FOXN1: variants seen among roughly 807,000 people sequenced by gnomAD.
FOXN1 encodes forkhead box N1, also known as forkhead box protein N1.
In FOXN1, 15 loss-of-function variants were observed where a neutral mutation model predicts 49.0. That is an observed-to-expected ratio of 0.31 (90% confidence interval 0.20 to 0.47). The LOEUF is 0.47. Among genes scored for constraint, FOXN1 ranks in the 20% least tolerant of loss-of-function variants. The pLI, the probability that FOXN1 is intolerant of heterozygous loss-of-function variation, is 1.00. For synonymous variants in FOXN1, 356 were observed against 369.0 expected (o/e 0.96, Z 0.40); for missense variants, 800 against 842.8 (o/e 0.95, Z 0.63).
rs1204674207 is a variant in FOXN1 at position 28,538,169 on chromosome 17, G to T, written c.*733G>T. ...TACAGAAGGGGCAACATCTACCCGG[G>T]CACCAAACTGAGCCCAATTCCGAAG... On this transcript the variant is annotated 3_prime_UTR_variant, in exon 9 of 9. Transcript: ENST00000579795. 2 of 152,114 alleles carry T rather than the reference G, an allele frequency of 1.3e-5. No homozygotes were observed. Among genetic ancestry groups the T allele is most frequent in the Non-Finnish European group, 2.9e-5 (2 of 68,056 alleles). 9.4% of individuals were successfully genotyped at this position (152,114 alleles called of 1,614,324 possible). A position where few individuals can be genotyped will look rare whatever the true frequency, so the allele number is the denominator to read the frequency against.
chr17:28,529,010 C>T, intron 4 of FOXN1, 84 bp from the exon 5 acceptor site: 1 of 1,572,468 alleles, frequency 6.4e-7, no homozygotes, highest in Non-Finnish European at 8.7e-7. Context: ...AGCCCCTTCT[C>T]TGGATGTATA....
chr17:28,523,871 A>T, intron 1 of FOXN1, 85 bp from the exon 2 acceptor site: 1 of 1,224,294 alleles, frequency 8.2e-7, no homozygotes, highest in Middle Eastern at 2.0e-4. Flanking sequence ...CAGCCCAAGG[A>T]TGGGGTTGGG....
intron 1 of FOXN1, among the ~76,000 whole-genome samples, chr17:28,521,806 GA>G (rs777110098): frequency 3.3e-5 from 5 of 152,220 alleles, no homozygotes; most frequent in Non-Finnish European, 7.3e-5. Flanking sequence ...TCTGTCAAAT[GA>G]GGCTTATTGA....
chr17:28,513,609 A>G (rs1394373150), intron 1 of FOXN1, among the ~76,000 whole-genome samples: 1 of 152,234 alleles, frequency 6.6e-6, no homozygotes, highest in East Asian at 1.9e-4. Context: ...TGTGGCATTT[A>G]TGGGGCATGT....
At chr17:28,532,715 C>T (rs1410193861) in intron 6 of FOXN1, among the ~76,000 whole-genome samples, 5 of 152,228 alleles carry the variant, frequency 3.3e-5, no homozygotes, top group African/African-American at 7.2e-5. Context: ...AAGGCAGCTG[C>T]TGTGGGCATC....
At position 28,534,550 on chromosome 17, in the gene FOXN1, C is replaced by T. The variant is rs747328174; in HGVS notation, c.1135+12C>T. 4.4e-5 allele frequency: 71 copies of T among 1,610,828 alleles called. No individual in the cohort carries two copies. Among genetic ancestry groups the T allele is most frequent in the South Asian group, 5.5e-5 (5 of 90,916 alleles). ...CATGGCCAAGCCAGGTGAGGCCGGC[C>T]GGGCCACGCAAGGAAGGGCCCAGGG... is the stretch of plus-strand genomic sequence containing the variant. On this transcript the variant is annotated intron_variant, in intron 7 of 8. Transcript: ENST00000579795. This position sits in a 1 kb window ranked among gnomAD's most constrained non-coding sequence, Gnocchi z 4.1.
intron 1 of FOXN1, among the ~76,000 whole-genome samples, chr17:28,517,979 T>C (rs1168419509): frequency 2.3e-5 from 1 of 43,356 alleles, no homozygotes; most frequent in Non-Finnish European, 4.9e-5. Flanking sequence ...ATGCCTCCAC[T>C]GGGTACACAC....
At chr17:28,532,437 G>A (rs1367184672) in intron 6 of FOXN1, among the ~76,000 whole-genome samples, 1 of 152,236 alleles carries the variant, frequency 6.6e-6, no homozygotes, top group Non-Finnish European at 1.5e-5. Context: ...CTGGGGGACA[G>A]AGTTGGAGGC....
Position 28,524,792 on chromosome 17 carries a change from C to G in FOXN1, c.413C>G (p.Ala138Gly). 6.2e-7 allele frequency: 1 copy of G among 1,613,680 alleles called. No individual in the cohort carries two copies. The highest frequency in any genetic ancestry group is 8.5e-7 in the Non-Finnish European group (1 of 1,179,966). ...TTCCATGAGGACGTCTTCCCAGAGGCCGAGACCACCCTGGCCCTCAAAGGA... is the reference window on the plus strand; with the variant it reads ...TTCCATGAGGACGTCTTCCCAGAGGGCGAGACCACCCTGGCCCTCAAAGGA... Reference protein sequence around the residue: ...RPFHEDVFPEAETTLALKGHS... With the variant: ...RPFHEDVFPEGETTLALKGHS... Residue 138 changes from alanine (A) to glycine (G), a missense_variant, in exon 3 of 9, where the codon GCC becomes GGC. Physicochemically the swap from Ala to Gly is moderately conservative, Grantham distance 60 (BLOSUM62 0). Around this residue, in one of 3 missense-constraint regions of FOXN1, gnomAD observed 383 missense variants for 357.9 expected, o/e 1.07. Coordinates refer to ENST00000579795, the MANE Select transcript of FOXN1 (RefSeq NM_001369369.1).
chr17:28,512,362 A>G (rs1255959955), intron 1 of FOXN1, among the ~76,000 whole-genome samples: 2 of 152,188 alleles, frequency 1.3e-5, no homozygotes, highest in African/African-American at 4.8e-5. Context: ...GCAGGCAACA[A>G]GTTCCTCCTT....
intron 1 of FOXN1, among the ~76,000 whole-genome samples, chr17:28,518,177 CTCCATAGGGTACACACA>C (rs1476579411): frequency 1.3e-5 from 2 of 152,260 alleles, no homozygotes; most frequent in East Asian, 3.9e-4. Flanking sequence ...GGATCCATAC[CTCCATAGGGTACACACA>C]TCCACAGGGT....
rs139944238 is a variant in FOXN1 at position 28,509,300 on chromosome 17, G to A, written c.-15+2857G>A. ...TATCTCCATTCCCACCTTCAATCCC[G>A]CCCAGCCCCCTTCCTACTCATCCCC... is the stretch of plus-strand genomic sequence containing the variant. On this transcript the variant is annotated intron_variant, in intron 1 of 8. Transcript: ENST00000579795. 9.9e-3 allele frequency among the ~76,000 whole-genome samples: 1,032 copies of A among 104,408 alleles called. 40 individuals carry two copies. Among genetic ancestry groups the A allele is most frequent in the Admixed American group, 0.076 (754 of 9,942 alleles). 68.5% of individuals were successfully genotyped at this position (104,408 alleles called of 152,430 possible). A position where few individuals can be genotyped will look rare whatever the true frequency, so the allele number is the denominator to read the frequency against.
chr17:28,529,374 C>A (rs917431399), intron 5 of FOXN1, 150 bp downstream of exon 5: 8 of 988,050 alleles, frequency 8.1e-6, no homozygotes, highest in Middle Eastern at 4.1e-4. Context: ...AGAGAGGGTT[C>A]CTGCATGAAG....
chr17:28,526,347 G>C lies in FOXN1; in HGVS notation c.589-904G>C, dbSNP rs1389494971. Among the ~76,000 whole-genome samples, 4 of 152,268 alleles carry C rather than the reference G, an allele frequency of 2.6e-5. No homozygotes were observed. The East Asian group carries it at 7.7e-4, about 29-fold the overall frequency. ...CAACCCCAGGGCACACCCAGAGAGA[G>C]GTCACAGCTGATTTGCCCCTCTGGG... On this transcript the variant is annotated intron_variant, in intron 3 of 8. Coordinates refer to ENST00000579795, the MANE Select transcript of FOXN1 (RefSeq NM_001369369.1).
At chr17:28,529,985 A>T (rs907943363) in intron 5 of FOXN1, among the ~76,000 whole-genome samples, 3 of 150,762 alleles carry the variant, frequency 2.0e-5, no homozygotes, top group Non-Finnish European at 4.4e-5. Context: ...AAGTTACTTA[A>T]TCTCTCTGAG....
rs144301161 is a variant in FOXN1 at position 28,524,761 on chromosome 17, C to T, written c.382C>T (p.Arg128Trp). The change falls in exon 3 of 9, where the codon CGG (arginine) becomes TGG (tryptophan). Residue 128 changes from arginine to tryptophan, a missense_variant. By Grantham distance (101) the Arg-to-Trp change is moderately radical (BLOSUM62 -3). Around this residue, in one of 3 missense-constraint regions of FOXN1, gnomAD observed 383 missense variants for 357.9 expected, o/e 1.07. Transcript: ENST00000579795. ...CCACGCGCCCTTCCACCCGTACAAGCGGCCTTTCCATGAGGACGTCTTCCC... is the reference window on the plus strand; with the variant it reads ...CCACGCGCCCTTCCACCCGTACAAGTGGCCTTTCCATGAGGACGTCTTCCC... Reference protein sequence around the residue: ...GSHAPFHPYKRPFHEDVFPEA... With the variant: ...GSHAPFHPYKWPFHEDVFPEA... The T allele has an allele frequency of 3.3e-4, 536 of 1,613,334 alleles. 1 individual carries two copies. The African/African-American group carries it at 6.4e-3, about 19-fold the overall frequency.
At position 28,537,683 on chromosome 17, in the gene FOXN1, G is replaced by A; in HGVS notation, c.*247G>A. 1 of 597,606 alleles carries A rather than the reference G, an allele frequency of 1.7e-6. No individual in the cohort carries two copies. The highest frequency in any genetic ancestry group is 3.0e-6 in the Non-Finnish European group (1 of 333,006). The allele number at this position is 597,606 out of a possible 1,614,324, so 37.0% of individuals were successfully genotyped here. A position where few individuals can be genotyped will look rare whatever the true frequency, so the allele number is the denominator to read the frequency against. The stretch of plus-strand genomic sequence containing the variant: ...AGGGCCCCCAAAGAGCAAGCGTCTG[G>A]GCAAGAGGAAAATGCCCTGTCCCTA... On this transcript the variant is annotated 3_prime_UTR_variant, in exon 9 of 9. Coordinates refer to ENST00000579795, the MANE Select transcript of FOXN1 (RefSeq NM_001369369.1).
intron 4 of FOXN1, among the ~76,000 whole-genome samples, chr17:28,527,990 G>T (rs2069812334): frequency 6.6e-6 from 1 of 152,224 alleles, no homozygotes; most frequent in South Asian, 2.1e-4. Context: ...GAGCCCCAGA[G>T]CAGCCAGGCA....
intron 1 of FOXN1, among the ~76,000 whole-genome samples, chr17:28,523,408 C>A (rs1327029700): frequency 6.6e-6 from 1 of 152,012 alleles, no homozygotes; most frequent in African/African-American, 2.4e-5. Flanking sequence ...AGGGTCACTG[C>A]AGGACCAGCC....
Sources: gnomAD v4.1 joint callset for allele counts (sites outside exome capture counted in the v4.1 genomes callset) on GRCh38, gnomAD v4.1.1 for gene constraint, gnomAD v4.1.1 regional missense constraint, Gnocchi (gnomAD v3.1) non-coding constraint, MANE v1.5 for transcripts, NCBI Gene and HGNC (gene_info 2026-07-23, HGNC 2026-07-21) for gene names.